KIAA0319L: variants seen among roughly 807,000 people sequenced by gnomAD.
The protein encoded by KIAA0319L is KIAA0319 like.
A neutral mutation model predicts 120.1 loss-of-function variants in KIAA0319L; 55 were observed. That is an observed-to-expected ratio of 0.46 (90% confidence interval 0.37 to 0.57). The LOEUF (loss-of-function observed/expected upper bound fraction) is 0.57, where lower values mean the gene tolerates loss of function less well. KIAA0319L is among the 20% of genes least tolerant of loss of function. The pLI, the probability that KIAA0319L is intolerant of heterozygous loss-of-function variation, is 0.00. For synonymous variants in KIAA0319L, 398 were observed against 471.9 expected (o/e 0.84, Z 2.03); for missense variants, 1,049 against 1,255.3 (o/e 0.84, Z 2.48).
chr1:35,551,404 G>A (rs1440791652), intron 2 of KIAA0319L, among the ~76,000 whole-genome samples: 3 of 152,030 alleles, frequency 2.0e-5, no homozygotes, highest in African/African-American at 7.3e-5. Context: ...TGCAACCCCC[G>A]CCTCCCGGGT....
chr1:35,535,201 T>C (rs1646530523), intron 2 of KIAA0319L, among the ~76,000 whole-genome samples: 1 of 151,848 alleles, frequency 6.6e-6, no homozygotes, highest in South Asian at 2.1e-4. Flanking sequence ...GGGAAAGTCC[T>C]TTTACTCTAC....
intron 3 of KIAA0319L, among the ~76,000 whole-genome samples, chr1:35,483,366 T>C (rs1644249369): frequency 6.6e-6 from 1 of 152,246 alleles, no homozygotes; most frequent in Non-Finnish European, 1.5e-5. Flanking sequence ...ATAAGTTTTA[T>C]AGCTTTTACT....
chr1:35,465,003 T>TGGATGTCCAGGC (rs1436884983), intron 7 of KIAA0319L, among the ~76,000 whole-genome samples: 1 of 152,236 alleles, frequency 6.6e-6, no homozygotes, highest in African/African-American at 2.4e-5. Flanking sequence ...TGGAAACACC[T>TGGATGTCCAGGC]GGATGTCCAG....
chr1:35,491,046 A>G (rs957704786), intron 3 of KIAA0319L, among the ~76,000 whole-genome samples: 2 of 152,222 alleles, frequency 1.3e-5, no homozygotes, highest in Non-Finnish European at 2.9e-5. Context: ...TTCTTCATCA[A>G]TTACCCAGTC....
At chr1:35,460,542 A>G in intron 8 of KIAA0319L, 105 bp from the exon 9 acceptor site, 1 of 1,005,256 alleles carries the variant, frequency 9.9e-7, no homozygotes, top group Non-Finnish European at 1.5e-6. Flanking sequence ...AAGCTAGGAA[A>G]ACTTCATGAA....
At chr1:35,536,758 G>A (rs529768924) in intron 2 of KIAA0319L, among the ~76,000 whole-genome samples, 23 of 152,206 alleles carry the variant, frequency 1.5e-4, no homozygotes, top group Admixed American at 8.5e-4. Context: ...TCAAATCACT[G>A]GTGTAGCTGA....
chr1:35,487,470 G>A (rs1644431989), intron 3 of KIAA0319L, among the ~76,000 whole-genome samples: 1 of 152,164 alleles, frequency 6.6e-6, no homozygotes, highest in African/African-American at 2.4e-5. Flanking sequence ...GGCCAGGCTG[G>A]TCTCTAACTC....
intron 2 of KIAA0319L, among the ~76,000 whole-genome samples, chr1:35,515,444 C>T (rs961852294): frequency 3.9e-5 from 6 of 151,936 alleles, no homozygotes; most frequent in African/African-American, 1.5e-4. Context: ...AATTAAACAA[C>T]ATGCCCCTGA....
chr1:35,439,290 A>C (rs1374877316), intron 20 of KIAA0319L: 1 of 152,162 alleles, frequency 6.6e-6, no homozygotes. Flanking sequence ...GCTAGCTCCC[A>C]CTTATCCAGG....
At chr1:35,546,449 C>T (rs954332362) in intron 2 of KIAA0319L, among the ~76,000 whole-genome samples, 7 of 152,160 alleles carry the variant, frequency 4.6e-5, no homozygotes, top group African/African-American at 1.2e-4. Context: ...AGAAGCCAGA[C>T]CTTACTGAAC....
At chr1:35,507,747 G>C (rs1645260612) in intron 2 of KIAA0319L, among the ~76,000 whole-genome samples, 2 of 152,200 alleles carry the variant, frequency 1.3e-5, no homozygotes, top group African/African-American at 4.8e-5. Flanking sequence ...GTATCAGCCA[G>C]AGTGGTAGTC....
At chr1:35,463,294 T>C (rs143803215) in intron 7 of KIAA0319L, among the ~76,000 whole-genome samples, 1 of 152,308 alleles carries the variant, frequency 6.6e-6, no homozygotes, top group African/African-American at 2.4e-5. Flanking sequence ...GACCATGCCC[T>C]GTGTATTCTT....
chr1:35,470,753 C>A, intron 6 of KIAA0319L, 110 bp downstream of exon 6: 1 of 719,514 alleles, frequency 1.4e-6, no homozygotes, highest in East Asian at 2.6e-5. Flanking sequence ...GGATTCATTT[C>A]TAAAAGACTG....
intron 2 of KIAA0319L, among the ~76,000 whole-genome samples, chr1:35,525,274 C>A (rs1009886580): frequency 2.0e-5 from 3 of 152,156 alleles, no homozygotes; most frequent in Admixed American, 6.5e-5. Flanking sequence ...AATTCCATAT[C>A]TTTGCTATTG....
chr1:35,489,543 C>A (rs1407050850), intron 3 of KIAA0319L, among the ~76,000 whole-genome samples: 2 of 151,970 alleles, frequency 1.3e-5, no homozygotes, highest in Middle Eastern at 3.2e-3. Context: ...TATACAGAGA[C>A]AGAACTCTGA....
intron 9 of KIAA0319L, among the ~76,000 whole-genome samples, chr1:35,456,561 CA>C (rs199594042): frequency 0.021 from 3,252 of 152,182 alleles, 107 homozygotes; most frequent in African/African-American, 0.073. Flanking sequence ...CCTGTAATCC[CA>C]GCACTTTGGG....
chr1:35,488,171 C>T (rs1200412914), intron 3 of KIAA0319L, among the ~76,000 whole-genome samples: 2 of 152,136 alleles, frequency 1.3e-5, no homozygotes, highest in Admixed American at 6.5e-5. Context: ...CAAAAGTAAG[C>T]GCTCCTCTAG....
At chr1:35,534,141 T>G (rs868456191) in intron 2 of KIAA0319L, among the ~76,000 whole-genome samples, 40 of 152,366 alleles carry the variant, frequency 2.6e-4, no homozygotes, top group African/African-American at 8.9e-4. Flanking sequence ...AGCAGTCCTT[T>G]GAAAATAATT....
intron 4 of KIAA0319L, among the ~76,000 whole-genome samples, chr1:35,477,448 A>G (rs1643936223): frequency 1.3e-5 from 2 of 152,156 alleles, no homozygotes; most frequent in South Asian, 4.1e-4. Context: ...CGGACGGATC[A>G]CAAGGTCAGG....
Sources: gnomAD v4.1 joint callset for allele counts (sites outside exome capture counted in the v4.1 genomes callset) on GRCh38, gnomAD v4.1.1 for gene constraint, MANE v1.5 for transcripts, NCBI Gene and HGNC (gene_info 2026-07-23, HGNC 2026-07-21) for gene names.